Variants in MYOM3 observed in about 807,000 individuals in gnomAD.
The protein encoded by MYOM3 is myomesin 3.
A neutral mutation model predicts 191.7 loss-of-function variants in MYOM3; 155 were observed. That is an observed-to-expected ratio of 0.81 (90% CI 0.71 to 0.92). The LOEUF is 0.92. MYOM3 is among the 40% of genes least tolerant of loss of function. MYOM3 has a pLI of 0.00. For missense variants in MYOM3, 1,889 were observed against 1,890.6 expected (o/e 1.00, Z 0.02); for synonymous variants, 757 against 762.9 (o/e 0.99, Z 0.13).
intron 28 of MYOM3, 92 bp from the exon 29 acceptor site, chr1:24,066,093 G>T: frequency 1.2e-6 from 1 of 834,700 alleles, no homozygotes; most frequent in Non-Finnish European, 2.1e-6. Flanking sequence ...TCTCAGTGGA[G>T]TCCTTTCACA....
At chr1:24,089,759 T>G in intron 13 of MYOM3, 94 bp from the exon 14 acceptor site, 1 of 1,387,896 alleles carries the variant, frequency 7.2e-7, no homozygotes, top group South Asian at 1.4e-5. Context: ...ACTACACCCC[T>G]ACCCATCCCC....
At chr1:24,104,344 A>G (rs1643964178) in intron 5 of MYOM3, among the ~76,000 whole-genome samples, 1 of 152,188 alleles carries the variant, frequency 6.6e-6, no homozygotes, top group Non-Finnish European at 1.5e-5. Context: ...CTATGGGCTG[A>G]GGTAGCTCCT....
intron 24 of MYOM3, among the ~76,000 whole-genome samples, chr1:24,071,619 G>A (rs1643532799): frequency 6.6e-6 from 1 of 152,158 alleles, no homozygotes; most frequent in African/African-American, 2.4e-5. Flanking sequence ...GTTCTGTTGT[G>A]TAGCCAAGTT....
intron 7 of MYOM3, 117 bp from the exon 8 acceptor site, chr1:24,095,603 T>G: frequency 2.4e-6 from 2 of 833,138 alleles, no homozygotes; most frequent in East Asian, 2.8e-5. Flanking sequence ...TGGCTTCCCC[T>G]TGTGGCTTTG....
chr1:24,092,240 A>G lies in MYOM3; in HGVS notation c.1166T>C (p.Leu389Pro). The G allele has an allele frequency of 1.4e-6, 2 of 1,432,636 alleles. No homozygotes were observed. Among genetic ancestry groups the G allele is most frequent in the Admixed American group, 2.5e-5 (1 of 39,388 alleles). The allele number at this position is 1,432,636 out of a possible 1,614,324, so 88.7% of individuals were successfully genotyped here. The change falls in exon 11 of 37, where the codon CTC (leucine) becomes CCC (proline). Residue 389 changes from leucine (L) to proline (P), a missense_variant. Transcript: ENST00000374434. ...ACTGGGCGGGGCCCAAGTCAGGATG[A>G]GGCAGTCTCTGTTCACATCCAGGCA... is the stretch of plus-strand genomic sequence containing the variant. ...VRCLDVNRDC[L>P]ILTWAPPSDT...
Position 24,056,355 on chromosome 1 carries a change from CCTT to C in MYOM3, c.*1006_*1008del. 1 of 152,414 alleles carries C rather than the reference CCTT, an allele frequency of 6.6e-6. No homozygotes were observed. The highest frequency in any genetic ancestry group is 1.5e-5 in the Non-Finnish European group (1 of 68,122). 9.4% of individuals were successfully genotyped at this position (152,414 alleles called of 1,614,324 possible). ...CCACCAGACCCTGCTCCTGGGATGT[CCTT>C]CTCCCATTACCACCACAAAATCGGA... On this transcript the variant is annotated 3_prime_UTR_variant, in exon 37 of 37. Coordinates refer to ENST00000374434, the MANE Select transcript of MYOM3 (RefSeq NM_152372.4).
intron 19 of MYOM3, 114 bp downstream of exon 19, chr1:24,081,216 G>T: frequency 1.5e-6 from 2 of 1,370,298 alleles, no homozygotes; most frequent in Non-Finnish European, 2.0e-6. Context: ...TGGGGTGCAG[G>T]ACAAACAGTG....
intron 35 of MYOM3, among the ~76,000 whole-genome samples, 171 bp downstream of exon 35, chr1:24,060,889 C>A (rs901712555): frequency 6.6e-6 from 1 of 152,096 alleles, no homozygotes; most frequent in South Asian, 2.1e-4. Context: ...CAGGTGTCCT[C>A]GGATTCTGTC....
chr1:24,108,690 T>C (rs541037663), intron 1 of MYOM3, 36 bp from the exon 2 acceptor site: 1 of 1,468,102 alleles, frequency 6.8e-7, no homozygotes, highest in East Asian at 2.8e-5. Flanking sequence ...TTCCACCAGG[T>C]GCCCGCCTAT....
chr1:24,092,208 G>C lies in MYOM3; in HGVS notation c.1198C>G (p.Arg400Gly), dbSNP rs773796374. 4 of 1,455,592 alleles carry C rather than the reference G, an allele frequency of 2.7e-6. No homozygotes were observed. The South Asian group carries it at 4.4e-5, about 16-fold the overall frequency. The allele number at this position is 1,455,592 out of a possible 1,614,324, so 90.2% of individuals were successfully genotyped here. A position where few individuals can be genotyped will look rare whatever the true frequency, so the allele number is the denominator to read the frequency against. Residue 400 changes from arginine to glycine, a missense_variant, in exon 11 of 37, where the codon CGG becomes GGG. Coordinates refer to ENST00000374434, the MANE Select transcript of MYOM3 (RefSeq NM_152372.4). Reference sequence around the variant, plus strand: ...GTGTAGGCAGTGATGGGGTTGCCCCGGGTGTCACTGGGCGGGGCCCAAGTC... The same window carrying C: ...GTGTAGGCAGTGATGGGGTTGCCCCCGGTGTCACTGGGCGGGGCCCAAGTC... Reference protein sequence around the residue: ...ILTWAPPSDTRGNPITAYTIE... With the variant: ...ILTWAPPSDTGGNPITAYTIE...
chr1:24,062,085 A>G lies in MYOM3; in HGVS notation c.3795T>C (p.Asp1265=). 1 of 1,614,102 alleles carries G rather than the reference A, an allele frequency of 6.2e-7. No individual in the cohort carries two copies. Residue 1265 remains aspartate (D), a synonymous_variant, in exon 33 of 37, where the codon GAT becomes GAC. Coordinates refer to ENST00000374434, the MANE Select transcript of MYOM3 (RefSeq NM_152372.4). ...CCAGGGTGGTGCCCGTCCTTATCCG[A>G]TCACCACTCTCCAGACGTTTGTCTC... ...FHKDKRLESG[D]RIRTGTTLDE...
chr1:24,061,413 C>G (rs546617046), intron 33 of MYOM3, 104 bp from the exon 34 acceptor site: 2 of 1,128,912 alleles, frequency 1.8e-6, no homozygotes, highest in Non-Finnish European at 2.6e-6. Context: ...CTGTCCTCCA[C>G]TCTCCTCCCC....
At chr1:24,072,282 C>T (rs1429923991) in intron 23 of MYOM3, among the ~76,000 whole-genome samples, 1 of 152,192 alleles carries the variant, frequency 6.6e-6, no homozygotes, top group African/African-American at 2.4e-5. Context: ...TCAAGTCTCG[C>T]CTCCCTAGAG....
At chr1:24,110,803 T>C (rs1644031896) in intron 1 of MYOM3, among the ~76,000 whole-genome samples, 2 of 152,214 alleles carry the variant, frequency 1.3e-5, no homozygotes, top group South Asian at 4.1e-4. Flanking sequence ...GCCCTGCTCA[T>C]TCTGCTCTTT....
chr1:24,094,175 T>TA (rs1411228819), intron 9 of MYOM3, among the ~76,000 whole-genome samples: 2 of 149,904 alleles, frequency 1.3e-5, no homozygotes, highest in Non-Finnish European at 3.0e-5. Context: ...TCACTTTTTT[T>TA]TTTTTTTTTT....
chr1:24,094,234 C>T (rs1643866766), intron 9 of MYOM3, among the ~76,000 whole-genome samples: 1 of 147,526 alleles, frequency 6.8e-6, no homozygotes, highest in African/African-American at 2.5e-5. Context: ...TGCAATGGTG[C>T]CATCTCGGCT....
intron 5 of MYOM3, among the ~76,000 whole-genome samples, chr1:24,103,151 T>G (rs1210428584): frequency 1.3e-5 from 2 of 152,200 alleles, no homozygotes; most frequent in East Asian, 3.9e-4. Flanking sequence ...CTTCCAAGAA[T>G]GCCTTCAATG....
Position 24,089,633 on chromosome 1 carries a change from C to A in MYOM3, c.1519G>T (p.Val507Phe). Residue 507 changes from valine (V) to phenylalanine (F), a missense_variant, in exon 14 of 37, where the codon GTC (valine) becomes TTC (phenylalanine). Val to Phe is a conservative substitution (Grantham distance 50). Transcript: ENST00000374434. ...TVTIPSPPTN[V>F]HASEIREAYV... Reference sequence around the variant, plus strand: ...GCCTCTCGGATCTCGCTGGCATGGACATTGGTTGGCGGTGAGGGGATGGTC... The same window carrying A: ...GCCTCTCGGATCTCGCTGGCATGGAAATTGGTTGGCGGTGAGGGGATGGTC... 2 of 1,592,986 alleles carry A rather than the reference C, an allele frequency of 1.3e-6. No individual in the cohort carries two copies. The highest frequency in any genetic ancestry group is 1.7e-6 in the Non-Finnish European group (2 of 1,170,032).
chr1:24,103,781 A>G (rs1332278475), intron 5 of MYOM3, among the ~76,000 whole-genome samples: 1 of 152,024 alleles, frequency 6.6e-6, no homozygotes, highest in African/African-American at 2.4e-5. Flanking sequence ...TCTTTGTTTC[A>G]TGCTTCTGTA....
Sources: allele counts gnomAD v4.1 joint callset (sites outside exome capture counted in the v4.1 genomes callset), GRCh38; gene constraint gnomAD v4.1.1; transcripts MANE v1.5; gene names NCBI Gene and HGNC (gene_info 2026-07-23, HGNC 2026-07-21).